Variants in PYROXD2 observed in about 807,000 individuals in gnomAD.
PYROXD2 encodes pyridine nucleotide-disulphide oxidoreductase domain 2.
In PYROXD2, 69 loss-of-function variants were observed where a neutral mutation model predicts 71.1. The ratio of observed to expected loss-of-function variants is 0.97; its 90% CI spans 0.80 to 1.19. The LOEUF (loss-of-function observed/expected upper bound fraction) is 1.19, where lower values mean the gene tolerates loss of function less well. Ranked by LOEUF, PYROXD2 falls within the 50% of genes most tolerant of loss-of-function variation. The pLI, the probability that PYROXD2 is intolerant of heterozygous loss-of-function variation, is 0.00. For synonymous variants in PYROXD2, 287 were observed against 302.7 expected (o/e 0.95, Z 0.54); for missense variants, 745 against 748.9 (o/e 0.99, Z 0.06).
chr10:98,404,149 C>A (rs1343473997), intron 4 of PYROXD2, among the ~76,000 whole-genome samples: 9 of 152,190 alleles, frequency 5.9e-5, no homozygotes, highest in Admixed American at 5.9e-4. Context: ...TAGAAGGAGG[C>A]GTAAACAGAC....
intron 15 of PYROXD2, among the ~76,000 whole-genome samples, chr10:98,384,418 G>C (rs769848485): frequency 1.2e-4 from 18 of 152,134 alleles, no homozygotes; most frequent in Non-Finnish European, 2.6e-4. Flanking sequence ...GGGAGTTCGA[G>C]ACCAGCCCGG....
Position 98,407,981 on chromosome 10 carries a change from C to G in PYROXD2, c.164G>C (p.Arg55Thr). 6.2e-7 allele frequency: 1 copy of G among 1,607,414 alleles called. No homozygotes were observed. Among genetic ancestry groups the G allele is most frequent in the Non-Finnish European group, 8.5e-7 (1 of 1,177,140 alleles). Residue 55 changes from arginine (R) to threonine (T), a missense_variant, in exon 3 of 16, where the codon AGA becomes ACA. Coordinates refer to ENST00000370575, the MANE Select transcript of PYROXD2 (RefSeq NM_032709.3). ...NGLVAAAYLQRLGVNTAVFER... is the reference protein window; with the variant it reads ...NGLVAAAYLQTLGVNTAVFER... ...GAAGACGGCGGTGTTCACCCCCAGT[C>G]TCTGCAGGTACGCTGCCTGGGAAGT...
chr10:98,392,909 T>C (rs2135947380), intron 9 of PYROXD2, 33 bp downstream of exon 9: 1 of 1,606,242 alleles, frequency 6.2e-7, no homozygotes, highest in Non-Finnish European at 8.5e-7. Flanking sequence ...GGATCCTTAC[T>C]AATAATTGGG....
At chr10:98,410,428 C>G (rs1191172231) in intron 2 of PYROXD2, among the ~76,000 whole-genome samples, 1 of 152,220 alleles carries the variant, frequency 6.6e-6, no homozygotes, top group Non-Finnish European at 1.5e-5. Flanking sequence ...GGCACAGGCC[C>G]TTCTGCTAGA....
chr10:98,403,251 G>C (rs1564806865), intron 4 of PYROXD2, among the ~76,000 whole-genome samples: 2 of 152,216 alleles, frequency 1.3e-5, no homozygotes, highest in East Asian at 3.9e-4. Flanking sequence ...CTCATACCCA[G>C]GAGGCATCCT....
At chr10:98,411,141 G>C in intron 1 of PYROXD2, 183 bp from the exon 2 acceptor site, 1 of 807,560 alleles carries the variant, frequency 1.2e-6, no homozygotes, top group South Asian at 1.8e-5. Flanking sequence ...TGAAACACCA[G>C]ATCTTCAAGG....
chr10:98,401,695 G>A (rs552461810), intron 4 of PYROXD2, among the ~76,000 whole-genome samples: 8 of 147,814 alleles, frequency 5.4e-5, no homozygotes, highest in East Asian at 2.0e-4. Context: ...ACCTTTTTTC[G>A]CTAAAAAGTA....
chr10:98,391,223 C>T (rs963763931), intron 10 of PYROXD2, 141 bp from the exon 11 acceptor site: 60 of 648,344 alleles, frequency 9.3e-5, no homozygotes, highest in Non-Finnish European at 1.6e-4. Context: ...AAACCACCTC[C>T]CCTGTGAAGC....
intron 1 of PYROXD2, among the ~76,000 whole-genome samples, chr10:98,413,259 AT>A (rs1473812929): frequency 2.6e-5 from 4 of 152,216 alleles, no homozygotes; most frequent in Non-Finnish European, 5.9e-5. Context: ...GGCTGAATTT[AT>A]TTTTTGTGGT....
intron 1 of PYROXD2, chr10:98,411,778 C>T (rs1233563862): frequency 2.0e-5 from 3 of 152,200 alleles, no homozygotes; most frequent in African/African-American, 7.2e-5. Context: ...AGGTGTTTCA[C>T]AGAACCAAAA....
chr10:98,407,728 G>T lies in PYROXD2; in HGVS notation c.242-73C>A, dbSNP rs1843651939. On this transcript the variant is annotated intron_variant, in intron 3 of 15. Coordinates refer to ENST00000370575, the MANE Select transcript of PYROXD2 (RefSeq NM_032709.3). ...AGGACCGTCACCAGGGGTCAGCAGGGATGGAGACCGTCACCAGGGGTCAGC... is the reference window on the plus strand; with the variant it reads ...AGGACCGTCACCAGGGGTCAGCAGGTATGGAGACCGTCACCAGGGGTCAGC... The T allele has an allele frequency of 2.7e-6, 4 of 1,459,022 alleles. 1 individual carries two copies. The highest frequency in any genetic ancestry group is 3.7e-6 in the Non-Finnish European group (4 of 1,068,994). The allele number at this position is 1,459,022 out of a possible 1,614,324, so 90.4% of individuals were successfully genotyped here.
At position 98,383,701 on chromosome 10, in the gene PYROXD2, G is replaced by A. The variant is rs1477354743; in HGVS notation, c.*97C>T. The A allele has an allele frequency of 2.0e-6, 2 of 992,380 alleles. No individual in the cohort carries two copies. Among genetic ancestry groups the A allele is most frequent in the African/African-American group, 1.6e-5 (1 of 62,852 alleles). 61.5% of individuals were successfully genotyped at this position (992,380 alleles called of 1,614,324 possible). On this transcript the variant is annotated 3_prime_UTR_variant, in exon 16 of 16. Transcript: ENST00000370575. ...TTCTTGAGCATTGTGGTGGCCTTAT[G>A]TACTAACCCGAAGCTGAACTTCCTG...
intron 8 of PYROXD2, among the ~76,000 whole-genome samples, chr10:98,394,522 C>T (rs1369948785): frequency 4.6e-5 from 7 of 150,556 alleles, no homozygotes; most frequent in African/African-American, 1.7e-4. Flanking sequence ...CGGCCCAACC[C>T]TTGGCTGCAT....
intron 4 of PYROXD2, among the ~76,000 whole-genome samples, chr10:98,402,809 G>A (rs1439147078): frequency 6.6e-6 from 1 of 152,060 alleles, no homozygotes; most frequent in Non-Finnish European, 1.5e-5. Flanking sequence ...TGTTTTCATT[G>A]TCTCCCCAAG....
At chr10:98,406,180 G>A (rs565188621) in intron 4 of PYROXD2, among the ~76,000 whole-genome samples, 1 of 152,216 alleles carries the variant, frequency 6.6e-6, no homozygotes, top group African/African-American at 2.4e-5. Flanking sequence ...CAAGGCAGAG[G>A]TTAAAGCATC....
At chr10:98,405,467 G>T (rs1191682475) in intron 4 of PYROXD2, among the ~76,000 whole-genome samples, 2 of 152,216 alleles carry the variant, frequency 1.3e-5, no homozygotes, top group Non-Finnish European at 2.9e-5. Flanking sequence ...TTTCTCAAGT[G>T]CCAAATGGGG....
At chr10:98,392,373 G>A (rs543483949) in intron 10 of PYROXD2, 59 bp downstream of exon 10, 16 of 1,583,942 alleles carry the variant, frequency 1.0e-5, no homozygotes, top group Admixed American at 8.6e-5. Flanking sequence ...CAATCCCCAC[G>A]ATTTCTAACC....
At position 98,388,500 on chromosome 10, in the gene PYROXD2, A is replaced by G. The variant is rs866772495; in HGVS notation, c.1301T>C (p.Ile434Thr). The G allele has an allele frequency of 8.7e-6, 14 of 1,604,976 alleles. No individual in the cohort carries two copies. Among genetic ancestry groups the G allele is most frequent in the Middle Eastern group, 3.3e-4 (2 of 6,034 alleles). Residue 434 changes from isoleucine (I) to threonine (T), a missense_variant, in exon 13 of 16, where the codon ATT becomes ACT. Physicochemically the swap from Ile to Thr is moderately conservative, Grantham distance 89 (BLOSUM62 -1). Transcript: ENST00000370575. ...MDGLPSHRPV[I>T]ELCIPSSLDP... ...CAGCGAGGAAGGGATGCAGAGCTCAATCACAGGCCTGTGCGGGCAGGGAGG... is the reference window on the plus strand; with the variant it reads ...CAGCGAGGAAGGGATGCAGAGCTCAGTCACAGGCCTGTGCGGGCAGGGAGG...
At chr10:98,411,717 G>A (rs1160597520) in intron 1 of PYROXD2, 1 of 152,140 alleles carries the variant, frequency 6.6e-6, no homozygotes, top group Non-Finnish European at 1.5e-5. Flanking sequence ...CACCTGGAAG[G>A]TTGTATAAAT....
Sources: allele counts gnomAD v4.1 joint callset (sites outside exome capture counted in the v4.1 genomes callset), GRCh38; gene constraint gnomAD v4.1.1; transcripts MANE v1.5; gene names NCBI Gene and HGNC (gene_info 2026-07-23, HGNC 2026-07-21).